Variants in NRG2 observed in about 807,000 individuals in gnomAD.
NRG2 encodes pro-neuregulin-2, membrane-bound isoform.
NRG2 carries 27 observed loss-of-function variants against 73.9 expected under a neutral mutation model. That is an observed-to-expected ratio of 0.37 (90% CI 0.27 to 0.50). The LOEUF (loss-of-function observed/expected upper bound fraction) is 0.50. Among genes scored for constraint, NRG2 ranks in the 20% least tolerant of loss-of-function variants. NRG2 has a pLI of 0.96. For missense variants in NRG2, 1,126 were observed against 1,210.1 expected (o/e 0.93, Z 1.03); for synonymous variants, 532 against 541.0 (o/e 0.98, Z 0.23).
At position 140,039,648 on chromosome 5, in the gene NRG2, G is replaced by A. The variant is rs192368145; in HGVS notation, c.700+2722C>T. 2.6e-3 allele frequency among the ~76,000 whole-genome samples: 388 copies of A among 152,112 alleles called. 2 individuals carry two copies. Among genetic ancestry groups the A allele is most frequent in the African/African-American group, 9.0e-3 (374 of 41,492 alleles). ...TGACCTCCTGCATTGATGCTCCTGAGGCCAATTTTTAAACACAATATTATC... is the reference window on the plus strand; with the variant it reads ...TGACCTCCTGCATTGATGCTCCTGAAGCCAATTTTTAAACACAATATTATC... On this transcript the variant is annotated intron_variant, in intron 1 of 9. Transcript: ENST00000361474.
intron 1 of NRG2, among the ~76,000 whole-genome samples, chr5:140,002,700 C>T (rs765147674): frequency 1.3e-5 from 2 of 152,140 alleles, no homozygotes; most frequent in Admixed American, 6.5e-5. Flanking sequence ...CTGAGGTTTA[C>T]AGCAGGAGAA....
At chr5:139,971,921 C>A (rs1756000999) in intron 1 of NRG2, among the ~76,000 whole-genome samples, 1 of 151,910 alleles carries the variant, frequency 6.6e-6, no homozygotes, top group Non-Finnish European at 1.5e-5. Flanking sequence ...CGTAGAATAG[C>A]CAAGAAAAAT....
At chr5:139,981,475 T>C (rs929042688) in intron 1 of NRG2, among the ~76,000 whole-genome samples, 9 of 152,216 alleles carry the variant, frequency 5.9e-5, no homozygotes, top group African/African-American at 1.4e-4. Context: ...AAGTCCTGCC[T>C]CTGGAAGGCA....
intron 5 of NRG2, among the ~76,000 whole-genome samples, chr5:139,862,407 C>T (rs1218901956): frequency 6.6e-6 from 1 of 152,224 alleles, no homozygotes; most frequent in African/African-American, 2.4e-5. Flanking sequence ...CCAGCAAAGA[C>T]AAGACCTTCC....
chr5:139,876,066 C>T (rs899772518), intron 3 of NRG2, among the ~76,000 whole-genome samples: 2 of 152,084 alleles, frequency 1.3e-5, no homozygotes, highest in Non-Finnish European at 1.5e-5. Context: ...TTAATAACAG[C>T]CAAAATGTGG....
chr5:140,026,780 T>G lies in NRG2; in HGVS notation c.700+15590A>C, dbSNP rs191889335. On this transcript the variant is annotated intron_variant, in intron 1 of 9. Coordinates refer to ENST00000361474, the MANE Select transcript of NRG2 (RefSeq NM_004883.3). ...AGAGTGAAAAAAGAGTCAAAGATGATTTTGACATTTCTAACAGCTTGGAAG... is the reference window on the plus strand; with the variant it reads ...AGAGTGAAAAAAGAGTCAAAGATGAGTTTGACATTTCTAACAGCTTGGAAG... 1.5e-3 allele frequency among the ~76,000 whole-genome samples: 232 copies of G among 152,200 alleles called. 1 individual carries two copies. The highest frequency in any genetic ancestry group is 5.0e-3 in the African/African-American group (207 of 41,520).
intron 1 of NRG2, among the ~76,000 whole-genome samples, chr5:139,953,537 C>G (rs1205674358): frequency 6.6e-6 from 1 of 152,188 alleles, no homozygotes; most frequent in African/African-American, 2.4e-5. Context: ...CCCACAAAGA[C>G]TCAACGCAAG....
intron 1 of NRG2, among the ~76,000 whole-genome samples, chr5:140,023,320 T>C (rs974065858): frequency 1.3e-5 from 2 of 152,102 alleles, no homozygotes; most frequent in Non-Finnish European, 2.9e-5. Context: ...AGACATCTGC[T>C]TGTTTCTACC....
intron 5 of NRG2, chr5:139,861,705 G>A (rs1762156595): frequency 1.9e-6 from 1 of 514,840 alleles, no homozygotes; most frequent in Non-Finnish European, 3.9e-6. Flanking sequence ...TCCTCTCCAG[G>A]GTGTCCCAGG....
At chr5:139,973,156 CAAAAAAAA>C (rs58053481) in intron 1 of NRG2, among the ~76,000 whole-genome samples, 1 of 89,422 alleles carries the variant, frequency 1.1e-5, no homozygotes, top group East Asian at 3.7e-4. Flanking sequence ...TAAGAATATG[CAAAAAAAA>C]AAAAAAAAAA....
chr5:139,890,292 T>G (rs568771160), intron 1 of NRG2, among the ~76,000 whole-genome samples: 4 of 152,226 alleles, frequency 2.6e-5, no homozygotes, highest in Non-Finnish European at 5.9e-5. Context: ...GAATTGCCTG[T>G]TCATGCATGC....
At chr5:139,937,323 C>G (rs939645507) in intron 1 of NRG2, among the ~76,000 whole-genome samples, 1 of 152,178 alleles carries the variant, frequency 6.6e-6, no homozygotes, top group African/African-American at 2.4e-5. Context: ...TTCCCTCGAT[C>G]TGATAAAAGG....
At position 139,973,366 on chromosome 5, in the gene NRG2, C is replaced by CT. The variant is rs937495917; in HGVS notation, c.700+69003dup. On this transcript the variant is annotated intron_variant, in intron 1 of 9. Transcript: ENST00000361474. ...TGTTCCTTCCTTATATCCTCATATACTTTTTTTTTGAGACGAGGTCTCACT... is the reference window on the plus strand; with the variant it reads ...TGTTCCTTCCTTATATCCTCATATACTTTTTTTTTTGAGACGAGGTCTCACT... Among the ~76,000 whole-genome samples the CT allele has an allele frequency of 1.6e-3, 244 of 151,252 alleles. 3 individuals are homozygous for CT. The highest frequency in any genetic ancestry group is 5.6e-3 in the African/African-American group (231 of 41,274).
At chr5:140,004,308 C>T (rs1328362477) in intron 1 of NRG2, among the ~76,000 whole-genome samples, 1 of 152,054 alleles carries the variant, frequency 6.6e-6, no homozygotes, top group African/African-American at 2.4e-5. Context: ...AAACCACCGT[C>T]AGGCAAACAC....
chr5:139,978,389 A>T (rs1205634905), intron 1 of NRG2, among the ~76,000 whole-genome samples: 2 of 152,274 alleles, frequency 1.3e-5, no homozygotes, highest in Non-Finnish European at 2.9e-5. Context: ...TCAAAACCAC[A>T]ATGAGATACT....
Position 139,894,306 on chromosome 5 carries a change from G to A in NRG2, c.701-6795C>T, listed in dbSNP as rs1411955728. Among the ~76,000 whole-genome samples the A allele has an allele frequency of 6.6e-6, 1 of 152,116 alleles. No homozygotes were observed. Among genetic ancestry groups the A allele is most frequent in the African/African-American group, 2.4e-5 (1 of 41,432 alleles). ...TTCCCTTTGCAGGGCAACACCTGGA[G>A]ACAATGTGGCCAGCCTGCCTGGCAT... On this transcript the variant is annotated intron_variant, in intron 1 of 9. Transcript: ENST00000361474. The surrounding 1 kb of genome is among the most constrained non-coding windows in gnomAD (Gnocchi z 5.0).
chr5:139,848,037 T>A lies in NRG2; in HGVS notation c.2433A>T (p.Pro811=). ...AHDALRSDSP[P]LCPAADSRTY... ...TCCTGCTGTCGGCCGCCGGGCACAG[T>A]GGCGGCGAGTCCGAGCGCAGCGCGT... Residue 811 remains proline (P), a synonymous_variant, in exon 10 of 10, where the codon CCA becomes CCT. Coordinates refer to ENST00000361474, the MANE Select transcript of NRG2 (RefSeq NM_004883.3). 1 of 1,508,280 alleles carries A rather than the reference T, an allele frequency of 6.6e-7. No homozygotes were observed. 93.4% of individuals were successfully genotyped at this position (1,508,280 alleles called of 1,614,324 possible).
At chr5:140,007,843 C>T (rs2126637509) in intron 1 of NRG2, among the ~76,000 whole-genome samples, 1 of 152,318 alleles carries the variant, frequency 6.6e-6, no homozygotes, top group South Asian at 2.1e-4. Context: ...GACTCAAGTG[C>T]TGGAAAGAAC....
chr5:139,958,599 A>G (rs142564972), intron 1 of NRG2, among the ~76,000 whole-genome samples: 1,609 of 152,302 alleles, frequency 0.011, 14 homozygotes, highest in Non-Finnish European at 0.017. Context: ...CTATCTTTCC[A>G]AAAATCACTG....
Sources: gnomAD v4.1 joint callset for allele counts (sites outside exome capture counted in the v4.1 genomes callset) on GRCh38, gnomAD v4.1.1 for gene constraint, Gnocchi (gnomAD v3.1) non-coding constraint, MANE v1.5 for transcripts, NCBI Gene and HGNC (gene_info 2026-07-23, HGNC 2026-07-21) for gene names.